The following AXIN1 variants were observed in gnomAD, a reference collection of about 807,000 sequenced individuals.
AXIN1 encodes axin 1, also known as axin-1.
AXIN1 carries 30 observed loss-of-function variants against 76.4 expected under a neutral mutation model. That is an observed-to-expected ratio of 0.39 (90% CI 0.29 to 0.53). The LOEUF is 0.53. Ranked by LOEUF, AXIN1 falls within the 20% of genes least tolerant of loss-of-function variation. The pLI is 0.66. For missense variants in AXIN1, 1,140 were observed against 1,198.8 expected, an observed-to-expected ratio of 0.95 and a Z score of 0.72; for synonymous variants, 545 against 501.4, an observed-to-expected ratio of 1.09 and a Z score of -1.16.
intron 3 of AXIN1, among the ~76,000 whole-genome samples, chr16:313,194 A>C (rs2053222364): frequency 6.6e-6 from 1 of 152,134 alleles, no homozygotes; most frequent in South Asian, 2.1e-4. Flanking sequence ...AGCCTCAGCA[A>C]CTCTGAAGGC....
chr16:317,771 A>G (rs1237460004), intron 2 of AXIN1, among the ~76,000 whole-genome samples: 1 of 152,210 alleles, frequency 6.6e-6, no homozygotes, highest in Non-Finnish European at 1.5e-5. Context: ...TTCCTTTGAT[A>G]CTTAAAGCCA....
At position 289,421 on chromosome 16, in the gene AXIN1, C is replaced by G. The variant is rs2141466896; in HGVS notation, c.2462+19G>C. On this transcript the variant is annotated intron_variant, in intron 10 of 10. Coordinates refer to ENST00000262320, the MANE Select transcript of AXIN1 (RefSeq NM_003502.4). ...CACATACTCGTGCGGGGAGGGGGCA[C>G]CCCAGCCCTCACACTCACCTGTAGC... The G allele has an allele frequency of 6.2e-7, 1 of 1,612,568 alleles. No individual in the cohort carries two copies. The highest frequency in any genetic ancestry group is 8.5e-7 in the Non-Finnish European group (1 of 1,179,892).
At chr16:329,065 G>A (rs973424337) in intron 2 of AXIN1, among the ~76,000 whole-genome samples, 4 of 152,046 alleles carry the variant, frequency 2.6e-5, no homozygotes, top group African/African-American at 4.8e-5. Context: ...GGATCACGAC[G>A]TCAGGAGTTC....
intron 2 of AXIN1, among the ~76,000 whole-genome samples, chr16:318,609 G>C (rs889736087): frequency 6.6e-6 from 1 of 152,208 alleles, no homozygotes; most frequent in Admixed American, 6.5e-5. Flanking sequence ...GGGAGTTCCA[G>C]GATCCCCCCA....
chr16:305,088 C>A (rs933313456), intron 4 of AXIN1, among the ~76,000 whole-genome samples: 2 of 152,230 alleles, frequency 1.3e-5, no homozygotes, highest in African/African-American at 4.8e-5. Context: ...AAGGTGTGAG[C>A]AGAAGGCCCC....
At chr16:289,823 A>G (rs2052503904) in intron 9 of AXIN1, 4 of 636,364 alleles carry the variant, frequency 6.3e-6, no homozygotes, top group Non-Finnish European at 1.1e-5. Flanking sequence ...GGGAGCACGA[A>G]GGTCTCCCTG....
rs1369572386 is a variant in AXIN1 at position 291,375 on chromosome 16, G to A, written c.2187-78C>T. 3 of 1,240,410 alleles carry A rather than the reference G, an allele frequency of 2.4e-6. No individual in the cohort carries two copies. The Admixed American group carries it at 5.9e-5, about 25-fold the overall frequency. 76.8% of individuals were successfully genotyped at this position (1,240,410 alleles called of 1,614,324 possible). A position where few individuals can be genotyped will look rare whatever the true frequency, so the allele number is the denominator to read the frequency against. On this transcript the variant is annotated intron_variant, in intron 8 of 10. Coordinates refer to ENST00000262320, the MANE Select transcript of AXIN1 (RefSeq NM_003502.4). Reference sequence around the variant, plus strand: ...GGAGGGAGCCTCGACCAATGCTGCTGCGCAGGGACGGACGGAGCGTGAAGG... The same window carrying A: ...GGAGGGAGCCTCGACCAATGCTGCTACGCAGGGACGGACGGAGCGTGAAGG...
At chr16:332,384 T>C (rs1597093348) in intron 2 of AXIN1, among the ~76,000 whole-genome samples, 2 of 152,170 alleles carry the variant, frequency 1.3e-5, no homozygotes, top group East Asian at 1.9e-4. Flanking sequence ...GAGACCATCC[T>C]GGCTAACACA....
intron 5 of AXIN1, among the ~76,000 whole-genome samples, chr16:303,625 G>A (rs214239): frequency 0.22 from 33,578 of 151,846 alleles, 4,637 homozygotes; most frequent in African/African-American, 0.39. Context: ...CAGGTGATCC[G>A]CCCGCCTCGG....
chr16:323,816 A>C (rs972441836), intron 2 of AXIN1, among the ~76,000 whole-genome samples: 1 of 151,744 alleles, frequency 6.6e-6, no homozygotes, highest in African/African-American at 2.4e-5. Context: ...ACAAAACAAA[A>C]CACTGAGGGG....
At chr16:305,493 T>A (rs1257779142) in intron 4 of AXIN1, among the ~76,000 whole-genome samples, 4 of 152,078 alleles carry the variant, frequency 2.6e-5, no homozygotes, top group Non-Finnish European at 4.4e-5. Context: ...TAACAATACA[T>A]CTGCAATGTA....
At chr16:303,626 C>G (rs1465430211) in intron 5 of AXIN1, among the ~76,000 whole-genome samples, 1 of 152,114 alleles carries the variant, frequency 6.6e-6, no homozygotes, top group Non-Finnish European at 1.5e-5. Flanking sequence ...AGGTGATCCG[C>G]CCGCCTCGGC....
At chr16:296,212 G>A (rs564922187) in intron 7 of AXIN1, among the ~76,000 whole-genome samples, 71 of 152,374 alleles carry the variant, frequency 4.7e-4, no homozygotes, top group African/African-American at 1.6e-3. Context: ...AAGGCCTTGC[G>A]GGACAGGCTT....
rs773888441 is a variant in AXIN1 at position 297,057 on chromosome 16, C to T, written c.1954G>A (p.Gly652Arg). The change falls in exon 7 of 11, where the codon GGG becomes AGG. Residue 652 changes from glycine to arginine, a missense_variant and splice_region_variant. Physicochemically the swap from Gly to Arg is moderately radical, Grantham distance 125. Transcript: ENST00000262320. ...EISRHRRTGH[G>R]SSGTRKPQPH... The stretch of plus-strand genomic sequence containing the variant: ...GCTGGCTGCGTGCGGGGTGCTCACC[C>T]GTGGCCGGTCCTGCGGTGCCTGCTG... 2.5e-6 allele frequency: 4 copies of T among 1,610,728 alleles called. No individual in the cohort carries two copies. The highest frequency in any genetic ancestry group is 1.1e-5 in the South Asian group (1 of 91,092).
At chr16:289,672 T>G (rs412243) in intron 9 of AXIN1, 65 bp from the exon 10 acceptor site, 30 of 1,593,268 alleles carry the variant, frequency 1.9e-5, no homozygotes, top group Non-Finnish European at 2.6e-5. Flanking sequence ...TCCCTCCTGC[T>G]GGCCTCAGGC....
Position 289,658 on chromosome 16 carries a change from AGGGT to A in AXIN1, c.2295-55_2295-52del, listed in dbSNP as rs745380062. Reference sequence around the variant, plus strand: ...ACCTGGTTTTGGACTGAGGTCCCACAGGGTCCCTCCTGCTGGCCTCAGGCTGCCA... The same window carrying A: ...ACCTGGTTTTGGACTGAGGTCCCACACCCTCCTGCTGGCCTCAGGCTGCCA... On this transcript the variant is annotated intron_variant, in intron 9 of 10. Transcript: ENST00000262320. 6.9e-6 allele frequency: 11 copies of A among 1,605,714 alleles called. No homozygotes were observed. The Admixed American group carries it at 1.5e-4, about 22-fold the overall frequency.
At chr16:290,844 G>GTCAA in intron 9 of AXIN1, 1 of 414,718 alleles carries the variant, frequency 2.4e-6, no homozygotes, top group South Asian at 2.1e-5. Context: ...GGCCTGGCAG[G>GTCAA]GACCGGCCCG....
chr16:338,136 G>A (rs762812856), intron 2 of AXIN1, among the ~76,000 whole-genome samples: 1 of 152,182 alleles, frequency 6.6e-6, no homozygotes, highest in Admixed American at 6.5e-5. Flanking sequence ...CCCCACCTCC[G>A]ATAACTGCAG....
rs546652881 is a variant in AXIN1, at chr16:332,249, G to C, written c.878+13899C>G. On this transcript the variant is annotated intron_variant, in intron 2 of 10. Coordinates refer to ENST00000262320, the MANE Select transcript of AXIN1 (RefSeq NM_003502.4). Reference sequence around the variant, plus strand: ...CGCAGCAGCAACATCACAATCACAAGTAAAGCATATTTAACTTTTAGAAAC... The same window carrying C: ...CGCAGCAGCAACATCACAATCACAACTAAAGCATATTTAACTTTTAGAAAC... Among the ~76,000 whole-genome samples, 5 of 152,296 alleles carry C rather than the reference G, an allele frequency of 3.3e-5. No homozygotes were observed. The South Asian group carries it at 1.0e-3, about 32-fold the overall frequency.
Sources: gnomAD v4.1 joint callset for allele counts (sites outside exome capture counted in the v4.1 genomes callset) on GRCh38, gnomAD v4.1.1 for gene constraint, MANE v1.5 for transcripts, NCBI Gene and HGNC (gene_info 2026-07-23, HGNC 2026-07-21) for gene names.